Variants in NF2 observed in about 807,000 individuals in gnomAD.
NF2 encodes NF2, moesin-ezrin-radixin like (MERLIN) tumor suppressor.
Under a neutral mutation model 83.7 loss-of-function variants are expected in NF2, and 8 were observed. The ratio of observed to expected loss-of-function variants is 0.10; its 90% CI spans 0.06 to 0.17. NF2 has a LOEUF of 0.17. Among genes scored for constraint, NF2 ranks in the 10% least tolerant of loss-of-function variants. The probability of loss-of-function intolerance (pLI) is 1.00; values close to 1 mark genes in which losing one functional copy is unlikely to be tolerated. For synonymous variants in NF2, 266 were observed against 269.6 expected, an observed-to-expected ratio of 0.99 and a Z score of 0.13; for missense variants, 533 against 744.4, an observed-to-expected ratio of 0.72 and a Z score of 3.31.
rs2067497434 is a variant in NF2, at chr22:29,694,723, C to T, written c.1738-29C>T. ...TGTGACAGAGCGGAGGTCTTGTGCC[C>T]TCTCAGCTTCTTCTCTGCTTTCTTA... On this transcript the variant is annotated intron_variant, in intron 15 of 15. Transcript: ENST00000338641. The surrounding 1 kb of genome is among the most constrained non-coding windows in gnomAD (Gnocchi z 4.1). 6.2e-7 allele frequency: 1 copy of T among 1,612,424 alleles called. No individual in the cohort carries two copies. The highest frequency in any genetic ancestry group is 1.3e-5 in the African/African-American group (1 of 74,874).
Position 29,614,560 on chromosome 22 carries a change from C to T in NF2, c.114+10448C>T, listed in dbSNP as rs568608596. 1.7e-3 allele frequency among the ~76,000 whole-genome samples: 229 copies of T among 133,426 alleles called. 1 individual carries two copies. The highest frequency in any genetic ancestry group is 4.5e-3 in the Middle Eastern group (1 of 222). The allele number at this position is 133,426 out of a possible 152,430, so 87.5% of individuals were successfully genotyped here. ...TCGCACTACTGCACTCCGGCCTGGG[C>T]GACAGAGGGAGACTCCATCTAAAAA... is the stretch of plus-strand genomic sequence containing the variant. On this transcript the variant is annotated intron_variant, in intron 1 of 15. Transcript: ENST00000338641.
chr22:29,657,314 C>T (rs895946753), intron 6 of NF2, among the ~76,000 whole-genome samples: 21 of 152,180 alleles, frequency 1.4e-4, no homozygotes, highest in African/African-American at 5.1e-4. Context: ...ATTTTCATTG[C>T]TGTATAGACT....
intron 10 of NF2, among the ~76,000 whole-genome samples, chr22:29,671,008 C>A (rs2066766810): frequency 6.6e-6 from 1 of 152,026 alleles, no homozygotes; most frequent in Non-Finnish European, 1.5e-5. Flanking sequence ...GGGTCAGAGG[C>A]AAGAGTGGAG....
rs531111784 is a variant in NF2 at position 29,610,743 on chromosome 22, A to C, written c.114+6631A>C. On this transcript the variant is annotated intron_variant, in intron 1 of 15. Transcript: ENST00000338641. ...ACCACTGAATTCTATCAAACATTTCAAGAAAAATTAATACAGTTCTTCACA... is the reference window on the plus strand; with the variant it reads ...ACCACTGAATTCTATCAAACATTTCCAGAAAAATTAATACAGTTCTTCACA... Among the ~76,000 whole-genome samples, 3 of 152,292 alleles carry C rather than the reference A, an allele frequency of 2.0e-5. No homozygotes were observed. In the East Asian group the frequency reaches 5.8e-4, roughly 29 times the overall value.
At chr22:29,634,567 C>T (rs1319691160) in intron 1 of NF2, among the ~76,000 whole-genome samples, 1 of 152,204 alleles carries the variant, frequency 6.6e-6, no homozygotes, top group Non-Finnish European at 1.5e-5. Context: ...CCAGCCATGA[C>T]CATGAGTTAT....
chr22:29,696,240 A>G lies in NF2; in HGVS notation c.*1438A>G, dbSNP rs376061969. 256 of 215,022 alleles carry G rather than the reference A, an allele frequency of 1.2e-3. No individual in the cohort carries two copies. The highest frequency in any genetic ancestry group is 5.3e-3 in the African/African-American group (232 of 44,190). The allele number at this position is 215,022 out of a possible 1,614,324, so 13.3% of individuals were successfully genotyped here. A position where few individuals can be genotyped will look rare whatever the true frequency, so the allele number is the denominator to read the frequency against. ...AGGCATGCACCACCACACTTGGCCA[A>G]TGTTCTGTATTTTTAATAGGGACGG... On this transcript the variant is annotated 3_prime_UTR_variant, in exon 16 of 16. Coordinates refer to ENST00000338641, the MANE Select transcript of NF2 (RefSeq NM_000268.4).
chr22:29,633,579 T>G (rs1036782280), intron 1 of NF2, among the ~76,000 whole-genome samples: 2 of 152,192 alleles, frequency 1.3e-5, no homozygotes, highest in Admixed American at 1.3e-4. Context: ...AGATTGCAGA[T>G]TGGAGCCTAT....
chr22:29,643,779 C>A (rs1209222612), intron 4 of NF2, among the ~76,000 whole-genome samples: 14 of 152,208 alleles, frequency 9.2e-5, no homozygotes, highest in Non-Finnish European at 1.5e-4. Flanking sequence ...CATTGTCATC[C>A]TGGCCCGTTC....
At chr22:29,649,702 C>G (rs1159422049) in intron 4 of NF2, among the ~76,000 whole-genome samples, 5 of 151,558 alleles carry the variant, frequency 3.3e-5, no homozygotes, top group African/African-American at 4.9e-5. Flanking sequence ...AGATTGCACC[C>G]CTGCACTCTA....
chr22:29,671,704 A>G, intron 10 of NF2, 122 bp from the exon 11 acceptor site: 10 of 1,409,484 alleles, frequency 7.1e-6, no homozygotes, highest in Non-Finnish European at 9.8e-6. Flanking sequence ...TGGCTACCTA[A>G]AGGAAAGGGA....
chr22:29,649,282 T>G (rs915936017), intron 4 of NF2, among the ~76,000 whole-genome samples: 2 of 151,994 alleles, frequency 1.3e-5, no homozygotes, highest in Non-Finnish European at 2.9e-5. Context: ...AGGAGGAAAT[T>G]AGGAGTGACT....
At chr22:29,605,679 A>G (rs2064774696) in intron 1 of NF2, among the ~76,000 whole-genome samples, 1 of 152,194 alleles carries the variant, frequency 6.6e-6, no homozygotes, top group Non-Finnish European at 1.5e-5. Flanking sequence ...CAACAAATGA[A>G]AAAACACCTA....
At chr22:29,609,607 T>G in intron 1 of NF2, 1 of 197,484 alleles carries the variant, frequency 5.1e-6, no homozygotes, top group Non-Finnish European at 1.1e-5. Flanking sequence ...TCTGCGTTTT[T>G]GAGCAGTTAT....
intron 1 of NF2, among the ~76,000 whole-genome samples, chr22:29,621,390 G>C (rs1001663129): frequency 6.6e-6 from 1 of 152,178 alleles, no homozygotes; most frequent in African/African-American, 2.4e-5. Context: ...TTAAATTTGA[G>C]TAATTACTGG....
intron 15 of NF2, among the ~76,000 whole-genome samples, chr22:29,687,481 C>CAG (rs1172215497): frequency 2.0e-5 from 3 of 152,178 alleles, no homozygotes; most frequent in African/African-American, 7.2e-5. Flanking sequence ...TGATAAATCA[C>CAG]AGAGAGAGAT....
At chr22:29,686,912 G>C (rs2067283666) in intron 15 of NF2, among the ~76,000 whole-genome samples, 1 of 152,196 alleles carries the variant, frequency 6.6e-6, no homozygotes, top group African/African-American at 2.4e-5. Context: ...TGAGGGGAGT[G>C]AGTCTGGCCA....
intron 1 of NF2, among the ~76,000 whole-genome samples, chr22:29,606,193 A>T (rs568315988): frequency 8.9e-4 from 136 of 152,298 alleles, no homozygotes; most frequent in African/African-American, 3.1e-3. Context: ...ACCTCAGGTG[A>T]TCCACCTGCC....
At chr22:29,634,838 C>G (rs974163892) in intron 1 of NF2, among the ~76,000 whole-genome samples, 2 of 152,186 alleles carry the variant, frequency 1.3e-5, no homozygotes, top group Non-Finnish European at 2.9e-5. Context: ...GTCCTATTGT[C>G]AGACTGGGAA....
At chr22:29,684,067 A>G (rs1198790080) in intron 15 of NF2, 1 of 309,798 alleles carries the variant, frequency 3.2e-6, no homozygotes, top group Non-Finnish European at 4.9e-6. Flanking sequence ...GAGATCTGGC[A>G]TAAGATAGAT....
Sources: allele counts gnomAD v4.1 joint callset (sites outside exome capture counted in the v4.1 genomes callset), GRCh38; gene constraint gnomAD v4.1.1; non-coding constraint Gnocchi (gnomAD v3.1); transcripts MANE v1.5; gene names NCBI Gene and HGNC (gene_info 2026-07-23, HGNC 2026-07-21).